GPC5: variants seen among roughly 807,000 people sequenced by gnomAD.
The protein encoded by GPC5 is glypican-5.
In GPC5, 47 loss-of-function variants were observed where a neutral mutation model predicts 53.9. The observed-to-expected ratio is 0.87, with a 90% CI of 0.69 to 1.11. The LOEUF (loss-of-function observed/expected upper bound fraction) is 1.11. Among genes scored for constraint, GPC5 ranks in the 50% most tolerant of loss-of-function variants. GPC5 has a pLI of 0.00. For synonymous variants in GPC5, 286 were observed against 263.3 expected (o/e 1.09, Z -0.84); for missense variants, 748 against 713.1 (o/e 1.05, Z -0.56).
intron 2 of GPC5, among the ~76,000 whole-genome samples, chr13:91,451,507 G>T (rs1244919207): frequency 6.6e-6 from 1 of 152,114 alleles, no homozygotes; most frequent in South Asian, 2.1e-4. Context: ...GCTGTTGTTA[G>T]AAGAGACCTA....
intron 7 of GPC5, among the ~76,000 whole-genome samples, chr13:92,300,470 C>T (rs2043067840): frequency 6.6e-6 from 1 of 152,128 alleles, no homozygotes; most frequent in African/African-American, 2.4e-5. Flanking sequence ...ATTCCAATGA[C>T]ACTGATGTTG....
At chr13:92,250,550 T>A (rs1218879456) in intron 7 of GPC5, among the ~76,000 whole-genome samples, 1 of 151,822 alleles carries the variant, frequency 6.6e-6, no homozygotes, top group Admixed American at 6.6e-5. Context: ...GGGCAAAGAG[T>A]AAGTCCTCAA....
At chr13:91,737,136 G>A (rs1324158298) in intron 4 of GPC5, among the ~76,000 whole-genome samples, 1 of 151,194 alleles carries the variant, frequency 6.6e-6, no homozygotes, top group Non-Finnish European at 1.5e-5. Context: ...AAGCAGAGGG[G>A]ACTTCCTTAT....
chr13:92,662,822 C>T (rs1479504797), intron 7 of GPC5, among the ~76,000 whole-genome samples: 1 of 152,154 alleles, frequency 6.6e-6, no homozygotes. Flanking sequence ...AGCTGTTCTC[C>T]TTGGGCTTTG....
chr13:91,620,587 C>T (rs973272560), intron 2 of GPC5, among the ~76,000 whole-genome samples: 1 of 152,136 alleles, frequency 6.6e-6, no homozygotes, highest in Admixed American at 6.5e-5. Context: ...TGTCATCGCT[C>T]ATGCCATAAG....
At chr13:91,946,256 T>A (rs971024917) in intron 6 of GPC5, among the ~76,000 whole-genome samples, 5 of 151,918 alleles carry the variant, frequency 3.3e-5, no homozygotes, top group Non-Finnish European at 5.9e-5. Context: ...TTGTGGGGAT[T>A]TTTTTTCCTT....
chr13:91,501,194 T>C (rs554576703), intron 2 of GPC5, among the ~76,000 whole-genome samples: 13 of 152,210 alleles, frequency 8.5e-5, no homozygotes, highest in African/African-American at 3.1e-4. Context: ...CCTGAAGTTA[T>C]TCGTAACAGC....
At chr13:92,087,115 G>C (rs1254903610) in intron 6 of GPC5, among the ~76,000 whole-genome samples, 4 of 152,190 alleles carry the variant, frequency 2.6e-5, no homozygotes, top group Admixed American at 2.6e-4. Flanking sequence ...TTAGTGCTGA[G>C]GGCCATCTTG....
chr13:92,799,520 G>A (rs1876824200), intron 7 of GPC5, among the ~76,000 whole-genome samples: 1 of 151,794 alleles, frequency 6.6e-6, no homozygotes, highest in Non-Finnish European at 1.5e-5. Flanking sequence ...GAGGAAAGCA[G>A]CAATGTCTGA....
At chr13:91,620,886 C>A (rs925699257) in intron 2 of GPC5, among the ~76,000 whole-genome samples, 1 of 151,848 alleles carries the variant, frequency 6.6e-6, no homozygotes, top group African/African-American at 2.4e-5. Flanking sequence ...TAAAGATGGT[C>A]TGCTGAGTGG....
At chr13:91,897,370 C>T (rs1403611051) in intron 5 of GPC5, among the ~76,000 whole-genome samples, 40 of 132,200 alleles carry the variant, frequency 3.0e-4, no homozygotes, top group Non-Finnish European at 2.6e-4. Flanking sequence ...TGTGTGTGTG[C>T]GCCTGTGCAT....
intron 7 of GPC5, among the ~76,000 whole-genome samples, chr13:92,180,528 A>T (rs889193875): frequency 6.6e-6 from 1 of 152,158 alleles, no homozygotes; most frequent in Non-Finnish European, 1.5e-5. Context: ...AAACACATTT[A>T]TTCATTAACC....
chr13:92,065,514 T>C (rs1186281774), intron 6 of GPC5, among the ~76,000 whole-genome samples: 1 of 152,140 alleles, frequency 6.6e-6, no homozygotes, highest in Non-Finnish European at 1.5e-5. Flanking sequence ...TGTAAATGAG[T>C]ACTCTAAACC....
chr13:92,546,682 G>A (rs1485575630), intron 7 of GPC5, among the ~76,000 whole-genome samples: 3 of 152,030 alleles, frequency 2.0e-5, no homozygotes, highest in Non-Finnish European at 4.4e-5. Flanking sequence ...AAGTTCATAT[G>A]GAAACAAAAA....
intron 1 of GPC5, among the ~76,000 whole-genome samples, chr13:91,432,203 C>CTGCTGCTGCTGCTGCTGCTG (rs1555306318): frequency 2.8e-4 from 38 of 136,446 alleles, no homozygotes; most frequent in African/African-American, 9.4e-4. Flanking sequence ...GCTGCTGCTG[C>CTGCTGCTGCTGCTGCTGCTG]TGTGTGTGTG....
chr13:92,292,279 T>G (rs2043002205), intron 7 of GPC5, among the ~76,000 whole-genome samples: 1 of 152,246 alleles, frequency 6.6e-6, no homozygotes, highest in South Asian at 2.1e-4. Flanking sequence ...CCATAGCAAT[T>G]GTACTAGTGT....
chr13:92,490,933 C>G (rs1390386595), intron 7 of GPC5, among the ~76,000 whole-genome samples: 1 of 151,996 alleles, frequency 6.6e-6, no homozygotes, highest in Non-Finnish European at 1.5e-5. Flanking sequence ...AAAATTTATA[C>G]AGGAATAACT....
intron 7 of GPC5, among the ~76,000 whole-genome samples, chr13:92,312,462 G>A (rs1343666805): frequency 1.3e-5 from 2 of 151,992 alleles, no homozygotes; most frequent in Admixed American, 6.6e-5. Flanking sequence ...AATGAAAGGA[G>A]GTTGATTATA....
chr13:91,663,954 G>T (rs2035045457), intron 2 of GPC5, among the ~76,000 whole-genome samples: 1 of 152,130 alleles, frequency 6.6e-6, no homozygotes, highest in Non-Finnish European at 1.5e-5. Context: ...TGGGTCCACA[G>T]GTGCATGCCA....
Sources: gnomAD v4.1 joint callset for allele counts (sites outside exome capture counted in the v4.1 genomes callset) on GRCh38, gnomAD v4.1.1 for gene constraint, MANE v1.5 for transcripts, NCBI Gene and HGNC (gene_info 2026-07-23, HGNC 2026-07-21) for gene names.